Variants in GALNTL6 observed in about 807,000 individuals in gnomAD.
GALNTL6 encodes the protein polypeptide N-acetylgalactosaminyltransferase like 6.
A neutral mutation model predicts 73.7 loss-of-function variants in GALNTL6; 46 were observed. The ratio of observed to expected loss-of-function variants is 0.62; its 90% CI spans 0.49 to 0.80. The LOEUF (loss-of-function observed/expected upper bound fraction) is 0.80, where lower values mean the gene tolerates loss of function less well. Among genes scored for constraint, GALNTL6 ranks in the 30% least tolerant of loss-of-function variants. GALNTL6 has a pLI of 0.00. For missense variants in GALNTL6, 604 were observed against 755.0 expected, an observed-to-expected ratio of 0.80 and a Z score of 2.34; for synonymous variants, 259 against 263.7, an observed-to-expected ratio of 0.98 and a Z score of 0.17.
chr4:172,262,005 G>GT, intron 3 of GALNTL6, among the ~76,000 whole-genome samples: 1 of 151,160 alleles, frequency 6.6e-6, no homozygotes, highest in South Asian at 2.1e-4. Context: ...TGATATAATT[G>GT]TTTTTATCAA....
chr4:172,628,947 TG>T (rs989438764), intron 5 of GALNTL6, among the ~76,000 whole-genome samples: 64 of 152,296 alleles, frequency 4.2e-4, no homozygotes, highest in African/African-American at 1.5e-3. Context: ...GTTACTGAAC[TG>T]GAGTGCACAC....
intron 2 of GALNTL6, among the ~76,000 whole-genome samples, chr4:171,976,438 C>T (rs1488734078): frequency 2.0e-5 from 3 of 152,150 alleles, no homozygotes; most frequent in Non-Finnish European, 4.4e-5. Flanking sequence ...AGGACATTAA[C>T]AAGGGATAAA....
At chr4:172,743,611 T>C (rs1736925551) in intron 5 of GALNTL6, among the ~76,000 whole-genome samples, 1 of 151,998 alleles carries the variant, frequency 6.6e-6, no homozygotes, top group East Asian at 1.9e-4. Flanking sequence ...TCCTGGCTCA[T>C]CAAAAAAATT....
chr4:172,001,268 T>C (rs1045622674), intron 2 of GALNTL6, among the ~76,000 whole-genome samples: 1 of 152,184 alleles, frequency 6.6e-6, no homozygotes, highest in African/African-American at 2.4e-5. Flanking sequence ...ACTTTCAGTG[T>C]AAACTGGAGG....
chr4:171,819,982 A>G (rs1396216901), intron 2 of GALNTL6, among the ~76,000 whole-genome samples: 1 of 152,150 alleles, frequency 6.6e-6, no homozygotes, highest in Non-Finnish European at 1.5e-5. Context: ...GACAGTAAAG[A>G]CACACTGTCC....
intron 2 of GALNTL6, among the ~76,000 whole-genome samples, chr4:171,950,449 T>G (rs1738839380): frequency 6.6e-6 from 1 of 150,992 alleles, no homozygotes; most frequent in South Asian, 2.1e-4. Flanking sequence ...TGGACACAGA[T>G]AGGTGGGTGA....
intron 7 of GALNTL6, among the ~76,000 whole-genome samples, chr4:172,869,306 A>G (rs1744807111): frequency 6.6e-6 from 1 of 152,202 alleles, no homozygotes; most frequent in Non-Finnish European, 1.5e-5. Context: ...TAAACAATAA[A>G]CAGTAAGGAA....
chr4:172,769,821 G>A (rs960905913), intron 5 of GALNTL6, among the ~76,000 whole-genome samples: 1 of 152,156 alleles, frequency 6.6e-6, no homozygotes, highest in African/African-American at 2.4e-5. Context: ...TCTGTGCAGA[G>A]GAATCATTCA....
chr4:172,531,521 C>G (rs998922371), intron 5 of GALNTL6, among the ~76,000 whole-genome samples: 1 of 152,192 alleles, frequency 6.6e-6, no homozygotes, highest in East Asian at 1.9e-4. Flanking sequence ...TGGGACCCAG[C>G]CAGTGGGGTC....
chr4:172,477,569 G>T (rs1375526336), intron 5 of GALNTL6, among the ~76,000 whole-genome samples: 1 of 152,096 alleles, frequency 6.6e-6, no homozygotes, highest in Non-Finnish European at 1.5e-5. Flanking sequence ...TGGTAAGATG[G>T]TAAAAGACTT....
In GALNTL6 at chr4:172,978,294, A is replaced by G. The variant is rs557953106; in HGVS notation, c.1371+26036A>G. On this transcript the variant is annotated intron_variant, in intron 10 of 12. Transcript: ENST00000506823. ...TGACTGTATAGTCCCACGGTTGCCG[A>G]GTCCCAAGAACATGGTTACTAATCA... Among the ~76,000 whole-genome samples, 312 of 152,296 alleles carry G rather than the reference A, an allele frequency of 2.0e-3. 4 individuals are homozygous for G. Among genetic ancestry groups the G allele is most frequent in the Middle Eastern group, 6.8e-3 (2 of 294 alleles).
chr4:172,263,641 AT>A (rs1224025822), intron 3 of GALNTL6, among the ~76,000 whole-genome samples: 3 of 151,444 alleles, frequency 2.0e-5, no homozygotes, highest in East Asian at 1.9e-4. Flanking sequence ...TAGAAGTTCT[AT>A]TTTTCCCCAA....
rs532421191 is a variant in GALNTL6 at position 172,476,556 on chromosome 4, C to A, written c.553+127867C>A. Among the ~76,000 whole-genome samples the A allele has an allele frequency of 3.9e-5, 6 of 152,276 alleles. No individual in the cohort carries two copies. The East Asian group carries it at 9.7e-4, about 25-fold the overall frequency. ...CACTGTTATACCTACTTGTTAAAAA[C>A]CTGCTGGATAGGCTTTCTCTGTCAC... On this transcript the variant is annotated intron_variant, in intron 5 of 12. Coordinates refer to ENST00000506823, the MANE Select transcript of GALNTL6 (RefSeq NM_001034845.3).
intron 5 of GALNTL6, among the ~76,000 whole-genome samples, chr4:172,580,518 T>A (rs560594876): frequency 7.2e-5 from 11 of 152,256 alleles, no homozygotes; most frequent in African/African-American, 2.6e-4. Flanking sequence ...AAAATTTATA[T>A]TCTTTTCTTT....
intron 2 of GALNTL6, among the ~76,000 whole-genome samples, chr4:172,209,060 A>G (rs757507971): frequency 5.3e-5 from 8 of 152,094 alleles, no homozygotes; most frequent in Non-Finnish European, 8.8e-5. Flanking sequence ...TCTACTCTCT[A>G]TATTCTAGAA....
intron 2 of GALNTL6, among the ~76,000 whole-genome samples, chr4:172,005,013 T>C (rs1467343700): frequency 6.6e-6 from 1 of 152,172 alleles, no homozygotes; most frequent in East Asian, 1.9e-4. Flanking sequence ...CATAAAATAC[T>C]GTGCCTTGTT....
chr4:172,140,278 T>A (rs1191998491), intron 2 of GALNTL6, among the ~76,000 whole-genome samples: 1 of 152,060 alleles, frequency 6.6e-6, no homozygotes, highest in African/African-American at 2.4e-5. Flanking sequence ...TAGGCTACAT[T>A]CAGCAAGAAA....
chr4:171,862,040 A>G (rs1473416509), intron 2 of GALNTL6, among the ~76,000 whole-genome samples: 2 of 152,178 alleles, frequency 1.3e-5, no homozygotes, highest in African/African-American at 4.8e-5. Flanking sequence ...GTTGAGAAAT[A>G]CTAGGTAGAC....
rs182484650 is a variant in GALNTL6 at position 172,401,687 on chromosome 4, G to C, written c.553+52998G>C. On this transcript the variant is annotated intron_variant, in intron 5 of 12. Transcript: ENST00000506823. ...ATACTATTTAACATACTTTATCAGA[G>C]AAACTGTGCTTCTAGAAAGTTGTAT... is the stretch of plus-strand genomic sequence containing the variant. Among the ~76,000 whole-genome samples, 513 of 152,114 alleles carry C rather than the reference G, an allele frequency of 3.4e-3. 4 individuals are homozygous for C. Among genetic ancestry groups the C allele is most frequent in the Non-Finnish European group, 6.2e-3 (423 of 68,002 alleles).
Sources: gnomAD v4.1 joint callset for allele counts (sites outside exome capture counted in the v4.1 genomes callset) on GRCh38, gnomAD v4.1.1 for gene constraint, MANE v1.5 for transcripts, NCBI Gene and HGNC (gene_info 2026-07-23, HGNC 2026-07-21) for gene names.